NRXN1: variants seen among roughly 807,000 people sequenced by gnomAD.
NRXN1 encodes neurexin 1.
Under a neutral mutation model 150.9 loss-of-function variants are expected in NRXN1, and 39 were observed. That is an observed-to-expected ratio of 0.26 (90% CI 0.20 to 0.34). The LOEUF is 0.34. Among genes scored for constraint, NRXN1 ranks in the 10% least tolerant of loss-of-function variants. The pLI is 1.00. For synonymous variants in NRXN1, 924 were observed against 757.0 expected, an observed-to-expected ratio of 1.22 and a Z score of -3.62; for missense variants, 1,815 against 1,949.9, an observed-to-expected ratio of 0.93 and a Z score of 1.30.
intron 18 of NRXN1, among the ~76,000 whole-genome samples, chr2:50,143,534 C>A (rs1707573037): frequency 6.6e-6 from 1 of 151,884 alleles, no homozygotes; most frequent in African/African-American, 2.4e-5. Context: ...TTTTAGATAT[C>A]CATTTATTAC....
intron 18 of NRXN1, among the ~76,000 whole-genome samples, chr2:50,098,851 T>TGG (rs1558874756): frequency 1.2e-3 from 21 of 16,822 alleles, no homozygotes; most frequent in African/African-American, 4.8e-3. Context: ...TTTTTTTTTT[T>TGG]TTTTTTTTTT....
Position 50,538,586 on chromosome 2 carries a change from T to A in NRXN1, c.1810A>T (p.Ser604Cys). 2 of 1,555,170 alleles carry A rather than the reference T, an allele frequency of 1.3e-6. No individual in the cohort carries two copies. The highest frequency in any genetic ancestry group is 1.7e-6 in the Non-Finnish European group (2 of 1,149,498). Residue 604 changes from serine (S) to cysteine (C), a missense_variant, in exon 10 of 23, where the codon AGT becomes TGT. Transcript: ENST00000401669. ...LRTPYTAPGE[S>C]EILDLDDELY... is the part of the protein sequence containing the mutation. ...TCATCATCCAGGTCCAGAATCTCAC[T>A]CTCACCAGGAGCAGTGTAGGGAGTA...
At chr2:50,623,923 C>A (rs1046580159) in intron 5 of NRXN1, among the ~76,000 whole-genome samples, 3 of 152,050 alleles carry the variant, frequency 2.0e-5, no homozygotes, top group Admixed American at 6.6e-5. Flanking sequence ...CTAATGCTAT[C>A]CCTCTCCCCT....
chr2:50,796,219 G>A (rs1706805749), intron 5 of NRXN1, among the ~76,000 whole-genome samples: 1 of 152,134 alleles, frequency 6.6e-6, no homozygotes, highest in South Asian at 2.1e-4. Flanking sequence ...GGCTGCTGGT[G>A]ATAGAGAAAG....
intron 5 of NRXN1, among the ~76,000 whole-genome samples, chr2:50,738,058 G>A (rs1373935101): frequency 6.6e-6 from 1 of 152,198 alleles, no homozygotes; most frequent in Non-Finnish European, 1.5e-5. Flanking sequence ...AACCCTGTCT[G>A]CAGATAGCAC....
chr2:50,151,475 T>G (rs183059729), intron 18 of NRXN1, among the ~76,000 whole-genome samples: 6 of 151,706 alleles, frequency 4.0e-5, no homozygotes, highest in African/African-American at 1.2e-4. Flanking sequence ...CCCTACTAGA[T>G]TTTCATAGAG....
At chr2:50,725,460 C>T (rs1020148174) in intron 5 of NRXN1, among the ~76,000 whole-genome samples, 1 of 152,046 alleles carries the variant, frequency 6.6e-6, no homozygotes, top group African/African-American at 2.4e-5. Flanking sequence ...AAAATCACCA[C>T]ACTGATTACA....
In NRXN1 at chr2:50,694,604, C is replaced by T. The variant is rs570518146; in HGVS notation, c.833-70989G>A. Reference sequence around the variant, plus strand: ...CTGTTCATCTCTACAAAGTCAGAATCGAAGAAGCATCATATCCTTTGGTTA... The same window carrying T: ...CTGTTCATCTCTACAAAGTCAGAATTGAAGAAGCATCATATCCTTTGGTTA... On this transcript the variant is annotated intron_variant, in intron 5 of 22. Coordinates refer to ENST00000401669, the MANE Select transcript of NRXN1 (RefSeq NM_001330078.2). Among the ~76,000 whole-genome samples, 6 of 152,108 alleles carry T rather than the reference C, an allele frequency of 3.9e-5. No homozygotes were observed. The South Asian group carries it at 6.2e-4, about 16-fold the overall frequency.
At chr2:50,544,163 GTTACAAATTTAC>G (rs2093444591) in intron 9 of NRXN1, among the ~76,000 whole-genome samples, 1 of 152,016 alleles carries the variant, frequency 6.6e-6, no homozygotes, top group Non-Finnish European at 1.5e-5. Flanking sequence ...ATTTCACAAA[GTTACAAATTTAC>G]TTGTCAAATT....
chr2:50,189,018 T>C (rs1016386190), intron 18 of NRXN1, among the ~76,000 whole-genome samples: 4 of 152,202 alleles, frequency 2.6e-5, no homozygotes, highest in African/African-American at 7.2e-5. Flanking sequence ...CATTACTGGG[T>C]ATATACCCAA....
intron 5 of NRXN1, chr2:50,829,510 G>A (rs779857666): frequency 6.2e-7 from 1 of 1,604,768 alleles, no homozygotes; most frequent in East Asian, 2.2e-5. Context: ...ATCAAAAACA[G>A]CACAGTGGCA....
chr2:50,987,390 C>A (rs1238368908), intron 2 of NRXN1, among the ~76,000 whole-genome samples: 1 of 151,790 alleles, frequency 6.6e-6, no homozygotes, highest in Admixed American at 6.6e-5. Flanking sequence ...TAGAGTCAGG[C>A]CAGATTAACA....
intron 10 of NRXN1, among the ~76,000 whole-genome samples, chr2:50,533,112 G>A (rs1043030443): frequency 1.3e-5 from 2 of 152,100 alleles, no homozygotes; most frequent in African/African-American, 4.8e-5. Context: ...TTGTCATGAT[G>A]GGATTAAGTG....
At chr2:50,921,451 T>C (rs1254442291) in intron 5 of NRXN1, among the ~76,000 whole-genome samples, 1 of 151,840 alleles carries the variant, frequency 6.6e-6, no homozygotes, top group Non-Finnish European at 1.5e-5. Flanking sequence ...CCCACAGCAG[T>C]ACCATTTCAG....
At chr2:50,215,519 G>C (rs2063335081) in intron 18 of NRXN1, among the ~76,000 whole-genome samples, 1 of 151,842 alleles carries the variant, frequency 6.6e-6, no homozygotes, top group African/African-American at 2.4e-5. Flanking sequence ...AAAGTAATGA[G>C]ATTGAAATCA....
chr2:50,547,995 T>C (rs1485784549), intron 9 of NRXN1, among the ~76,000 whole-genome samples: 1 of 152,118 alleles, frequency 6.6e-6, no homozygotes, highest in African/African-American at 2.4e-5. Context: ...TTTGCCAAAA[T>C]GAGAAAGTTT....
intron 8 of NRXN1, among the ~76,000 whole-genome samples, chr2:50,603,672 A>C (rs1676638317): frequency 6.6e-6 from 1 of 152,142 alleles, no homozygotes; most frequent in South Asian, 2.1e-4. Flanking sequence ...ACTTTAAGAA[A>C]TTTATATAAA....
chr2:50,819,307 AG>A (rs1213905086), intron 5 of NRXN1, among the ~76,000 whole-genome samples: 1 of 152,192 alleles, frequency 6.6e-6, no homozygotes, highest in Non-Finnish European at 1.5e-5. Context: ...AAATGGAAAA[AG>A]AAAATGTGGT....
intron 5 of NRXN1, among the ~76,000 whole-genome samples, chr2:50,910,012 T>C (rs1174664946): frequency 1.3e-5 from 2 of 150,048 alleles, no homozygotes; most frequent in Admixed American, 1.3e-4. Flanking sequence ...TAGCCTCAGC[T>C]ATTTTTTTTT....
Sources: gnomAD v4.1 joint callset for allele counts (sites outside exome capture counted in the v4.1 genomes callset) on GRCh38, gnomAD v4.1.1 for gene constraint, MANE v1.5 for transcripts, NCBI Gene and HGNC (gene_info 2026-07-23, HGNC 2026-07-21) for gene names.